KPNB1: variants seen among roughly 807,000 people sequenced by gnomAD.
KPNB1 encodes the protein karyopherin subunit beta 1.
In KPNB1, 7 loss-of-function variants were observed where a neutral mutation model predicts 113.0. The ratio of observed to expected loss-of-function variants is 0.06; its 90% CI spans 0.04 to 0.12. KPNB1 has a LOEUF of 0.12. Ranked by LOEUF, KPNB1 falls within the 10% of genes least tolerant of loss-of-function variation. The pLI is 1.00. For synonymous variants in KPNB1, 363 were observed against 378.6 expected (o/e 0.96, Z 0.48); for missense variants, 400 against 1,054.8 (o/e 0.38, Z 8.60).
intron 6 of KPNB1, 99 bp from the exon 7 acceptor site, chr17:47,662,987 ACCT>A: frequency 1.3e-6 from 1 of 756,726 alleles, no homozygotes; most frequent in South Asian, 1.4e-5. Context: ...TCCCATATTT[ACCT>A]CAATTAATCC....
chr17:47,680,692 CTCTT>C (rs781446022), intron 21 of KPNB1, 23 bp downstream of exon 21: 17 of 1,606,860 alleles, frequency 1.1e-5, no homozygotes, highest in Middle Eastern at 3.3e-4. Flanking sequence ...CTCCACTGTC[CTCTT>C]TCTTCTACTT....
Position 47,677,667 on chromosome 17 carries a change from T to A in KPNB1, c.2104-379T>A, listed in dbSNP as rs1046641560. Reference sequence around the variant, plus strand: ...AAATGCAAAGGAAAAGTAAATACAGTTGTTCCTTGACTTATGATGGAGTTA... The same window carrying A: ...AAATGCAAAGGAAAAGTAAATACAGATGTTCCTTGACTTATGATGGAGTTA... On this transcript the variant is annotated intron_variant, in intron 17 of 21. Coordinates refer to ENST00000290158, the MANE Select transcript of KPNB1 (RefSeq NM_002265.6). Among the ~76,000 whole-genome samples the A allele has an allele frequency of 2.6e-5, 4 of 152,288 alleles. No individual in the cohort carries two copies. In the East Asian group the frequency reaches 7.7e-4, roughly 29 times the overall value.
chr17:47,654,549 G>A (rs926835599), intron 3 of KPNB1, among the ~76,000 whole-genome samples: 7 of 151,986 alleles, frequency 4.6e-5, no homozygotes, highest in Middle Eastern at 3.4e-3. Context: ...AAGTTTCACT[G>A]TTGGTGATCT....
intron 3 of KPNB1, among the ~76,000 whole-genome samples, chr17:47,654,945 G>A (rs1189578449): frequency 6.6e-6 from 1 of 152,094 alleles, no homozygotes; most frequent in Non-Finnish European, 1.5e-5. Context: ...GTCCTCGAGA[G>A]CAAAGCCTTT....
intron 2 of KPNB1, chr17:47,651,285 G>C (rs1237471899): frequency 1.0e-6 from 1 of 985,126 alleles, no homozygotes; most frequent in African/African-American, 1.7e-5. Flanking sequence ...AAACAGCCTA[G>C]ATGCCAGTTA....
intron 15 of KPNB1, among the ~76,000 whole-genome samples, chr17:47,675,586 G>C (rs913198351): frequency 6.6e-6 from 1 of 151,864 alleles, no homozygotes; most frequent in African/African-American, 2.4e-5. Context: ...ACCTGGTTTG[G>C]TTTGTAGTGC....
At chr17:47,681,976 GCAAGCACCT>G (rs983847794) in intron 21 of KPNB1, among the ~76,000 whole-genome samples, 13 of 152,058 alleles carry the variant, frequency 8.5e-5, no homozygotes, top group Non-Finnish European at 1.3e-4. Flanking sequence ...GGGACTGCAG[GCAAGCACCT>G]CCATGACTGG....
At position 47,683,229 on chromosome 17, in the gene KPNB1, C is replaced by T. The variant is rs976990066; in HGVS notation, c.*825C>T. ...AAACACTGACGAATGGTCAGAGCTC[C>T]TATCCTGATCTTTTCATCAAGGCGC... is the stretch of plus-strand genomic sequence containing the variant. On this transcript the variant is annotated 3_prime_UTR_variant, in exon 22 of 22. Coordinates refer to ENST00000290158, the MANE Select transcript of KPNB1 (RefSeq NM_002265.6). 1.4e-5 allele frequency: 2 copies of T among 138,608 alleles called. No individual in the cohort carries two copies. Among genetic ancestry groups the T allele is most frequent in the Admixed American group, 1.5e-4 (2 of 13,084 alleles). 8.6% of individuals were successfully genotyped at this position (138,608 alleles called of 1,614,324 possible). A position where few individuals can be genotyped will look rare whatever the true frequency, so the allele number is the denominator to read the frequency against.
At chr17:47,651,188 A>G in intron 2 of KPNB1, 1 of 983,698 alleles carries the variant, frequency 1.0e-6, no homozygotes, top group Non-Finnish European at 1.2e-6. Flanking sequence ...CGTTTTTCAT[A>G]TTTTAAAATT....
chr17:47,658,734 G>A, intron 5 of KPNB1, 74 bp downstream of exon 5: 1 of 1,329,194 alleles, frequency 7.5e-7, no homozygotes, highest in Non-Finnish European at 1.0e-6. Flanking sequence ...TTTTTGTTTT[G>A]TTTTCTTAAG....
rs1555619984 is a variant in KPNB1 at position 47,683,113 on chromosome 17, A to AAC, written c.*710_*711insCA. 22 of 147,568 alleles carry AAC rather than the reference A, an allele frequency of 1.5e-4. No individual in the cohort carries two copies. The highest frequency in any genetic ancestry group is 5.4e-4 in the African/African-American group (22 of 40,422). The allele number at this position is 147,568 out of a possible 1,614,324, so 9.1% of individuals were successfully genotyped here. A position where few individuals can be genotyped will look rare whatever the true frequency, so the allele number is the denominator to read the frequency against. On this transcript the variant is annotated 3_prime_UTR_variant, in exon 22 of 22. Transcript: ENST00000290158. ...TGTAAAAAAAAAAAAAAAAAAAAAA[A>AAC]AAAAAACACACACACAGAGGAAAGA...
In KPNB1 at chr17:47,680,714, G is replaced by A. The variant is rs761398861; in HGVS notation, c.2630+45G>A. 2.5e-6 allele frequency: 4 copies of A among 1,577,834 alleles called. No homozygotes were observed. The East Asian group carries it at 6.8e-5, about 27-fold the overall frequency. ...GTCCTCTTTCTTCTACTTCCTGGAG[G>A]AGGGGGGTATGTTTTCTTTAGGCCA... is the stretch of plus-strand genomic sequence containing the variant. On this transcript the variant is annotated intron_variant, in intron 21 of 21. Coordinates refer to ENST00000290158, the MANE Select transcript of KPNB1 (RefSeq NM_002265.6).
chr17:47,651,085 C>A, intron 2 of KPNB1: 1 of 250,850 alleles, frequency 4.0e-6, no homozygotes, highest in Non-Finnish European at 6.3e-6. Context: ...TGAATAGAGA[C>A]CTAATCACTA....
At chr17:47,680,481 A>C in intron 20 of KPNB1, 27 bp from the exon 21 acceptor site, 1 of 1,613,052 alleles carries the variant, frequency 6.2e-7, no homozygotes, top group Non-Finnish European at 8.5e-7. Flanking sequence ...CTAGGAGCTC[A>C]TTCTCAGCTG....
In KPNB1 at chr17:47,673,129, C is replaced by A; in HGVS notation, c.1659C>A (p.Val553=). 1 of 1,614,154 alleles carries A rather than the reference C, an allele frequency of 6.2e-7. No individual in the cohort carries two copies. The highest frequency in any genetic ancestry group is 1.1e-5 in the South Asian group (1 of 91,076). ...CYPAVQKTTL[V]IMERLQQVLQ... ...CTGCTGTCCAGAAAACGACTTTGGT[C>A]ATCATGGAACGACTGCAACAGGTTC... is the stretch of plus-strand genomic sequence containing the variant. The change falls in exon 13 of 22, where the codon GTC becomes GTA. Residue 553 remains valine (V), a synonymous_variant. Coordinates refer to ENST00000290158, the MANE Select transcript of KPNB1 (RefSeq NM_002265.6).
At chr17:47,675,791 C>T (rs988835258) in intron 15 of KPNB1, among the ~76,000 whole-genome samples, 2 of 152,056 alleles carry the variant, frequency 1.3e-5, no homozygotes, top group Admixed American at 1.3e-4. Context: ...TCAGGGGTGG[C>T]CTGTAAGTAC....
At chr17:47,660,208 CAT>C (rs1424843764) in intron 5 of KPNB1, among the ~76,000 whole-genome samples, 1 of 152,138 alleles carries the variant, frequency 6.6e-6, no homozygotes, top group Non-Finnish European at 1.5e-5. Flanking sequence ...TAAGTGGAAT[CAT>C]ATTTGTCTTT....
chr17:47,682,485 G>A lies in KPNB1; in HGVS notation c.*81G>A, dbSNP rs1453505592. 2 of 775,110 alleles carry A rather than the reference G, an allele frequency of 2.6e-6. No individual in the cohort carries two copies. Among genetic ancestry groups the A allele is most frequent in the East Asian group, 4.9e-5 (2 of 41,228 alleles). 48.0% of individuals were successfully genotyped at this position (775,110 alleles called of 1,614,324 possible). A position where few individuals can be genotyped will look rare whatever the true frequency, so the allele number is the denominator to read the frequency against. On this transcript the variant is annotated 3_prime_UTR_variant, in exon 22 of 22. Transcript: ENST00000290158. ...TGAAAAACCTGGAAGTGAGGAGTGT[G>A]CACGGATGCTGAATGTTTGGGAATG...
At chr17:47,681,701 T>G (rs1014771458) in intron 21 of KPNB1, among the ~76,000 whole-genome samples, 4 of 146,660 alleles carry the variant, frequency 2.7e-5, no homozygotes, top group Admixed American at 2.0e-4. Flanking sequence ...TTTTTTTTTT[T>G]TTTTTTTTTT....
Sources: gnomAD v4.1 joint callset for allele counts (sites outside exome capture counted in the v4.1 genomes callset) on GRCh38, gnomAD v4.1.1 for gene constraint, MANE v1.5 for transcripts, NCBI Gene and HGNC (gene_info 2026-07-23, HGNC 2026-07-21) for gene names.